The following GALNT13 variants were observed in gnomAD, a reference collection of about 807,000 sequenced individuals.
The protein encoded by GALNT13 is UDP-GalNAc:polypeptide N-acetylgalactosaminyltransferase 13.
GALNT13 carries 28 observed loss-of-function variants against 64.2 expected under a neutral mutation model. That is an observed-to-expected ratio of 0.44 (90% CI 0.32 to 0.60). GALNT13 has a LOEUF of 0.60. Ranked by LOEUF, GALNT13 falls within the 20% of genes least tolerant of loss-of-function variation. The pLI is 0.05. For missense variants in GALNT13, 577 were observed against 669.8 expected, an observed-to-expected ratio of 0.86 and a Z score of 1.53; for synonymous variants, 214 against 224.6, an observed-to-expected ratio of 0.95 and a Z score of 0.42.
intron 4 of GALNT13, among the ~76,000 whole-genome samples, chr2:154,224,836 C>G (rs187658319): frequency 1.3e-5 from 2 of 152,152 alleles, no homozygotes; most frequent in African/African-American, 4.8e-5. Flanking sequence ...AGGAAATGCT[C>G]TCTGTCTGTG....
intron 1 of GALNT13, among the ~76,000 whole-genome samples, chr2:153,892,239 A>G (rs920024406): frequency 9.9e-5 from 15 of 152,046 alleles, no homozygotes; most frequent in African/African-American, 3.6e-4. Context: ...CATTCTATAA[A>G]TGTCTTGAAA....
chr2:153,616,288 A>G, the GALNT13 span, among the ~76,000 whole-genome samples: 717 of 151,772 alleles, frequency 4.7e-3, 4 homozygotes, highest in African/African-American at 0.016. Context: ...CCATTGGTTT[A>G]TATGTCTGTT....
intron 12 of GALNT13, 128 bp downstream of exon 12, chr2:154,438,854 C>A: frequency 1.4e-6 from 1 of 723,054 alleles, no homozygotes. Flanking sequence ...AGCATGCAGG[C>A]TCATATCCGG....
At chr2:153,213,077 G>T in the GALNT13 span, among the ~76,000 whole-genome samples, 22 of 152,176 alleles carry the variant, frequency 1.4e-4, no homozygotes, top group Non-Finnish European at 2.9e-4. Context: ...ACCTACTATG[G>T]TCAAGAACTG....
intron 3 of GALNT13, among the ~76,000 whole-genome samples, chr2:154,085,470 T>A (rs1014013924): frequency 6.6e-5 from 10 of 152,018 alleles, no homozygotes; most frequent in Non-Finnish European, 1.5e-4. Context: ...AGAAGCTTCA[T>A]TCAGAATTCA....
chr2:154,106,411 C>G (rs1210056564), intron 3 of GALNT13, among the ~76,000 whole-genome samples: 1 of 152,032 alleles, frequency 6.6e-6, no homozygotes, highest in Non-Finnish European at 1.5e-5. Flanking sequence ...TGTCCAAGTT[C>G]TCTAGCACCA....
the GALNT13 span, among the ~76,000 whole-genome samples, chr2:153,341,031 T>C: frequency 1.3e-5 from 2 of 152,192 alleles, no homozygotes; most frequent in African/African-American, 4.8e-5. Context: ...ATAAGCCCTC[T>C]ATGTGACTGT....
intron 3 of GALNT13, among the ~76,000 whole-genome samples, chr2:154,130,997 C>A (rs895337620): frequency 1.8e-4 from 28 of 152,036 alleles, no homozygotes; most frequent in Admixed American, 1.8e-3. Flanking sequence ...TTTTTTTTGG[C>A]AAAATGGGAA....
At chr2:153,152,118 C>A in the GALNT13 span, among the ~76,000 whole-genome samples, 1 of 151,932 alleles carries the variant, frequency 6.6e-6, no homozygotes, top group Non-Finnish European at 1.5e-5. Flanking sequence ...TGACACCTTG[C>A]CCTTTGCTAC....
chr2:153,622,593 T>A, the GALNT13 span, among the ~76,000 whole-genome samples: 1 of 152,154 alleles, frequency 6.6e-6, no homozygotes, highest in Non-Finnish European at 1.5e-5. Context: ...GATATGGAAA[T>A]GGGCATTTCA....
the GALNT13 span, among the ~76,000 whole-genome samples, chr2:153,205,753 C>A: frequency 6.6e-6 from 1 of 151,934 alleles, no homozygotes; most frequent in Non-Finnish European, 1.5e-5. Context: ...TTTCAATTTG[C>A]CCTGAATGTT....
intron 3 of GALNT13, among the ~76,000 whole-genome samples, chr2:154,007,291 T>A (rs1014229605): frequency 6.6e-6 from 1 of 152,060 alleles, no homozygotes; most frequent in East Asian, 1.9e-4. Flanking sequence ...TCACCAATCG[T>A]GTGAGCTCAA....
At chr2:154,028,355 T>G in intron 3 of GALNT13, among the ~76,000 whole-genome samples, 1 of 152,166 alleles carries the variant, frequency 6.6e-6, no homozygotes, top group Admixed American at 6.6e-5. Flanking sequence ...CAATAGCTTA[T>G]AATTTTATTA....
At chr2:153,246,078 A>G in the GALNT13 span, among the ~76,000 whole-genome samples, 2 of 151,814 alleles carry the variant, frequency 1.3e-5, no homozygotes, top group Admixed American at 1.3e-4. Context: ...GCTGAAATAA[A>G]GTGTGAAGAC....
the GALNT13 span, among the ~76,000 whole-genome samples, chr2:153,215,063 T>G: frequency 6.6e-6 from 1 of 152,290 alleles, no homozygotes; most frequent in South Asian, 2.1e-4. Flanking sequence ...CTGGAATGTC[T>G]TAATGCCAGG....
the GALNT13 span, among the ~76,000 whole-genome samples, chr2:153,143,534 A>G: frequency 1.3e-5 from 2 of 152,012 alleles, no homozygotes; most frequent in African/African-American, 2.4e-5. Context: ...CTGGGCATGA[A>G]AATACTGCCT....
At chr2:153,595,834 T>C in the GALNT13 span, among the ~76,000 whole-genome samples, 12 of 152,186 alleles carry the variant, frequency 7.9e-5, no homozygotes, top group Non-Finnish European at 1.8e-4. Flanking sequence ...GTGCCCAATA[T>C]TGCCTCTGTA....
At chr2:153,560,615 C>T in the GALNT13 span, among the ~76,000 whole-genome samples, 1 of 152,000 alleles carries the variant, frequency 6.6e-6, no homozygotes, top group Non-Finnish European at 1.5e-5. Flanking sequence ...TGAGATGACA[C>T]TTTTATCATG....
chr2:154,214,728 C>A (rs753138839), intron 4 of GALNT13, among the ~76,000 whole-genome samples: 17 of 152,122 alleles, frequency 1.1e-4, no homozygotes, highest in Non-Finnish European at 2.5e-4. Context: ...GTAAGTTTCC[C>A]AAGACCTCCT....
Sources: allele counts gnomAD v4.1 joint callset (sites outside exome capture counted in the v4.1 genomes callset), GRCh38; gene constraint gnomAD v4.1.1; transcripts MANE v1.5; gene names NCBI Gene and HGNC (gene_info 2026-07-23, HGNC 2026-07-21).